Variants in STK39 observed in about 807,000 individuals in gnomAD.
STK39 encodes the protein STE20/SPS1-related proline-alanine-rich protein kinase.
A neutral mutation model predicts 77.8 loss-of-function variants in STK39; 20 were observed. The ratio of observed to expected loss-of-function variants is 0.26; its 90% CI spans 0.18 to 0.37. The LOEUF (loss-of-function observed/expected upper bound fraction) is 0.37, where lower values mean the gene tolerates loss of function less well. STK39 is among the 10% of genes least tolerant of loss of function. The probability of loss-of-function intolerance (pLI) is 1.00; values close to 1 mark genes in which losing one functional copy is unlikely to be tolerated. For missense variants in STK39, 479 were observed against 656.5 expected, an observed-to-expected ratio of 0.73 and a Z score of 2.95; for synonymous variants, 246 against 234.1, an observed-to-expected ratio of 1.05 and a Z score of -0.47.
chr2:168,022,163 T>C (rs1386323617), intron 14 of STK39, among the ~76,000 whole-genome samples: 1 of 152,218 alleles, frequency 6.6e-6, no homozygotes, highest in African/African-American at 2.4e-5. Context: ...CAGTTCCCAT[T>C]CTATGAACAG....
At chr2:168,226,210 G>A (rs188555900) in intron 1 of STK39, among the ~76,000 whole-genome samples, 9 of 152,266 alleles carry the variant, frequency 5.9e-5, no homozygotes, top group Admixed American at 3.3e-4. Flanking sequence ...AGAATAGTGA[G>A]GATCCAAAGT....
rs530893157 is a variant in STK39 at position 168,125,169 on chromosome 2, T to C, written c.1089+4372A>G. Among the ~76,000 whole-genome samples the C allele has an allele frequency of 9.2e-5, 14 of 151,836 alleles. No homozygotes were observed. The South Asian group carries it at 1.0e-3, about 11-fold the overall frequency. On this transcript the variant is annotated intron_variant, in intron 10 of 17. Transcript: ENST00000355999. ...TGAAACATGGGTAAAAATAGCAAGATACTGTCTGTAATACAAAGAAAAGGA... is the reference window on the plus strand; with the variant it reads ...TGAAACATGGGTAAAAATAGCAAGACACTGTCTGTAATACAAAGAAAAGGA...
chr2:168,246,154 T>C (rs903979915), intron 1 of STK39, among the ~76,000 whole-genome samples: 4 of 152,148 alleles, frequency 2.6e-5, no homozygotes, highest in South Asian at 2.1e-4. Flanking sequence ...GCTGTACTTA[T>C]ATACCAAGAT....
At chr2:168,117,126 G>A (rs143627009) in intron 10 of STK39, among the ~76,000 whole-genome samples, 3 of 152,288 alleles carry the variant, frequency 2.0e-5, no homozygotes, top group East Asian at 3.9e-4. Flanking sequence ...CTATGATCAT[G>A]TGGCAAAGGT....
intron 8 of STK39, among the ~76,000 whole-genome samples, chr2:168,136,125 T>C (rs1687828669): frequency 6.6e-6 from 1 of 151,946 alleles, no homozygotes. Flanking sequence ...TCCCAGCACT[T>C]TGGGAGGCCA....
chr2:168,089,122 A>T (rs530737094), intron 10 of STK39, among the ~76,000 whole-genome samples: 1 of 152,170 alleles, frequency 6.6e-6, no homozygotes, highest in African/African-American at 2.4e-5. Flanking sequence ...TCCAGGAGAA[A>T]GTGAGGAAGA....
intron 12 of STK39, among the ~76,000 whole-genome samples, chr2:168,073,372 T>C (rs577342416): frequency 7.2e-5 from 11 of 152,354 alleles, no homozygotes; most frequent in Non-Finnish European, 1.6e-4. Context: ...GAGTCAATGA[T>C]GCTACTTTAA....
intron 14 of STK39, among the ~76,000 whole-genome samples, chr2:168,030,904 G>A (rs1445531806): frequency 6.6e-6 from 1 of 152,208 alleles, no homozygotes; most frequent in African/African-American, 2.4e-5. Flanking sequence ...TATATCAGAA[G>A]GAAACATCCA....
intron 2 of STK39, among the ~76,000 whole-genome samples, chr2:168,175,818 A>G (rs1171266250): frequency 6.6e-6 from 1 of 152,216 alleles, no homozygotes; most frequent in East Asian, 1.9e-4. Flanking sequence ...TAACAGTACA[A>G]AATTTAATGG....
intron 1 of STK39, among the ~76,000 whole-genome samples, chr2:168,201,748 AC>A (rs1239907008): frequency 6.6e-6 from 1 of 151,226 alleles, no homozygotes; most frequent in Non-Finnish European, 1.5e-5. Flanking sequence ...AATCAAAACC[AC>A]CCCCCTTCTA....
At chr2:168,173,049 C>T (rs532262499) in intron 2 of STK39, among the ~76,000 whole-genome samples, 124 of 152,304 alleles carry the variant, frequency 8.1e-4, no homozygotes, top group African/African-American at 2.7e-3. Flanking sequence ...TGTGCAGCCA[C>T]AGCTTAGAAC....
intron 10 of STK39, among the ~76,000 whole-genome samples, chr2:168,092,625 C>T (rs1281341787): frequency 1.3e-5 from 2 of 152,178 alleles, no homozygotes; most frequent in East Asian, 1.9e-4. Context: ...TAGAGGAGAA[C>T]AGGTATTGAG....
At chr2:168,197,392 C>T (rs1395239359) in intron 1 of STK39, among the ~76,000 whole-genome samples, 1 of 152,190 alleles carries the variant, frequency 6.6e-6, no homozygotes, top group Middle Eastern at 3.2e-3. Context: ...CTGGCCCATC[C>T]ACCAGAATAT....
chr2:167,969,405 GT>G (rs1302500539), intron 16 of STK39, among the ~76,000 whole-genome samples: 1 of 152,142 alleles, frequency 6.6e-6, no homozygotes. Context: ...AACATGGTCA[GT>G]GAGACCCTCC....
chr2:167,959,653 C>T (rs1315071358), intron 17 of STK39, among the ~76,000 whole-genome samples: 2 of 152,284 alleles, frequency 1.3e-5, no homozygotes, highest in Admixed American at 1.3e-4. Flanking sequence ...GAGGGATTCC[C>T]ACTTCATAGC....
At chr2:167,975,923 G>T (rs1480155233) in intron 16 of STK39, among the ~76,000 whole-genome samples, 1 of 152,156 alleles carries the variant, frequency 6.6e-6, no homozygotes, top group Non-Finnish European at 1.5e-5. Context: ...CAACGCTAAG[G>T]GTCATCTCAG....
intron 14 of STK39, among the ~76,000 whole-genome samples, chr2:168,041,124 C>T (rs2105352143): frequency 6.6e-6 from 1 of 152,172 alleles, no homozygotes; most frequent in African/African-American, 2.4e-5. Context: ...CAGGTGTGTC[C>T]AGGAGGAGCT....
intron 10 of STK39, among the ~76,000 whole-genome samples, chr2:168,098,256 GAGAAGACAACTGCA>G (rs1158990486): frequency 1.3e-5 from 2 of 152,174 alleles, no homozygotes; most frequent in Non-Finnish European, 2.9e-5. Flanking sequence ...AAGGGGGTGA[GAGAAGACAACTGCA>G]AGTGCCCATA....
At chr2:168,078,586 C>T (rs1182763614) in intron 10 of STK39, among the ~76,000 whole-genome samples, 2 of 152,158 alleles carry the variant, frequency 1.3e-5, no homozygotes, top group Non-Finnish European at 2.9e-5. Flanking sequence ...TATGAAGAAC[C>T]ACCAGGTAAA....
Sources: allele counts gnomAD v4.1 joint callset (sites outside exome capture counted in the v4.1 genomes callset), GRCh38; gene constraint gnomAD v4.1.1; transcripts MANE v1.5; gene names NCBI Gene and HGNC (gene_info 2026-07-23, HGNC 2026-07-21).